Variants in TTC27 observed in about 807,000 individuals in gnomAD.
The protein encoded by TTC27 is tetratricopeptide repeat protein 27.
TTC27 carries 79 observed loss-of-function variants against 115.9 expected under a neutral mutation model. The ratio of observed to expected loss-of-function variants is 0.68; its 90% CI spans 0.57 to 0.82. The LOEUF is 0.82. Ranked by LOEUF, TTC27 falls within the 40% of genes least tolerant of loss-of-function variation. The pLI, the probability that TTC27 is intolerant of heterozygous loss-of-function variation, is 0.00. For synonymous variants in TTC27, 401 were observed against 356.0 expected (o/e 1.13, Z -1.42); for missense variants, 1,054 against 993.1 (o/e 1.06, Z -0.82).
intron 8 of TTC27, among the ~76,000 whole-genome samples, chr2:32,676,736 G>C (rs1314101815): frequency 6.6e-5 from 10 of 151,876 alleles, no homozygotes; most frequent in Admixed American, 6.6e-4. Context: ...TGATCCACCT[G>C]CCTTGGCCTC....
intron 12 of TTC27, among the ~76,000 whole-genome samples, chr2:32,747,050 A>G (rs1224109951): frequency 6.6e-6 from 1 of 152,174 alleles, no homozygotes; most frequent in African/African-American, 2.4e-5. Flanking sequence ...CCTTCTCTGG[A>G]AAGTTACACA....
At chr2:32,754,560 A>G (rs1181808643) in intron 12 of TTC27, among the ~76,000 whole-genome samples, 25 of 149,358 alleles carry the variant, frequency 1.7e-4, no homozygotes, top group Admixed American at 8.0e-4. Flanking sequence ...ACACAGACAC[A>G]GCAACCATCC....
intron 10 of TTC27, among the ~76,000 whole-genome samples, chr2:32,703,583 A>G (rs186590848): frequency 3.3e-5 from 5 of 152,336 alleles, no homozygotes; most frequent in Non-Finnish European, 5.9e-5. Context: ...ATAAAGAAGT[A>G]AAATTCATCC....
intron 10 of TTC27, among the ~76,000 whole-genome samples, chr2:32,726,936 G>C (rs1487160978): frequency 6.6e-6 from 1 of 152,150 alleles, no homozygotes. Context: ...AGCTTTTGCA[G>C]GGGAACTCCA....
chr2:32,814,397 G>A (rs989516875), intron 18 of TTC27, among the ~76,000 whole-genome samples: 6 of 152,186 alleles, frequency 3.9e-5, no homozygotes, highest in South Asian at 2.1e-4. Flanking sequence ...CATTTTAAGC[G>A]TATTTGAGTG....
At chr2:32,676,818 A>G (rs1666226610) in intron 8 of TTC27, among the ~76,000 whole-genome samples, 1 of 151,800 alleles carries the variant, frequency 6.6e-6, no homozygotes, top group South Asian at 2.1e-4. Flanking sequence ...TGAAATATTT[A>G]TATACATTTA....
At chr2:32,747,581 A>T (rs1668873470) in intron 12 of TTC27, among the ~76,000 whole-genome samples, 1 of 152,196 alleles carries the variant, frequency 6.6e-6, no homozygotes, top group Admixed American at 6.5e-5. Context: ...AATTTAAAAA[A>T]TTGTATGTCA....
chr2:32,651,504 G>A (rs1334097897), intron 5 of TTC27, among the ~76,000 whole-genome samples: 2 of 152,104 alleles, frequency 1.3e-5, no homozygotes, highest in African/African-American at 4.8e-5. Context: ...GTGCCACCAC[G>A]CCTGGCTAAT....
At chr2:32,726,293 G>A (rs180716158) in intron 10 of TTC27, among the ~76,000 whole-genome samples, 17 of 152,258 alleles carry the variant, frequency 1.1e-4, no homozygotes, top group East Asian at 7.7e-4. Context: ...CAAATTTTCC[G>A]AACTTTTATG....
rs1572451792 is a variant in TTC27, at chr2:32,628,282, T to A, written c.-11T>A. The A allele has an allele frequency of 2.5e-6, 4 of 1,599,974 alleles. No homozygotes were observed. The highest frequency in any genetic ancestry group is 3.4e-6 in the Non-Finnish European group (4 of 1,175,046). ...TGGGAGCCTGTTTTGGCTGCAGCGG[T>A]GTCTGGGGTGATGTGGACCCCGGAG... On this transcript the variant is annotated 5_prime_UTR_variant, in exon 1 of 20. Coordinates refer to ENST00000317907, the MANE Select transcript of TTC27 (RefSeq NM_017735.5).
At position 32,733,859 on chromosome 2, in the gene TTC27, C is replaced by T. The variant is rs1668371413; in HGVS notation, c.1265C>T (p.Thr422Ile). ...GCAGACCAATTTGAAGATAAAACTA[C>T]ATCTGTATTGGAACGCCTGAAGATT... ...ALADQFEDKT[T>I]SVLERLKIFY... The change falls in exon 11 of 20, where the codon ACA becomes ATA. Residue 422 changes from threonine to isoleucine, a missense_variant. Physicochemically the swap from Thr to Ile is moderately conservative, Grantham distance 89 (BLOSUM62 -1). Coordinates refer to ENST00000317907, the MANE Select transcript of TTC27 (RefSeq NM_017735.5). The T allele has an allele frequency of 1.2e-6, 2 of 1,611,408 alleles. No homozygotes were observed. Among genetic ancestry groups the T allele is most frequent in the African/African-American group, 1.3e-5 (1 of 74,960 alleles).
chr2:32,631,864 G>A (rs1396017335), intron 2 of TTC27, among the ~76,000 whole-genome samples: 1 of 150,408 alleles, frequency 6.6e-6, no homozygotes, highest in Admixed American at 6.6e-5. Flanking sequence ...AGGCTGGAGT[G>A]CAGAGGCGTG....
At chr2:32,724,285 G>T (rs1021516975) in intron 10 of TTC27, among the ~76,000 whole-genome samples, 2 of 152,100 alleles carry the variant, frequency 1.3e-5, no homozygotes, top group African/African-American at 2.4e-5. Flanking sequence ...ATTTCAGAGT[G>T]TCCATAGGTC....
chr2:32,744,461 A>G (rs1668749441), intron 12 of TTC27, among the ~76,000 whole-genome samples: 1 of 152,162 alleles, frequency 6.6e-6, no homozygotes, highest in South Asian at 2.1e-4. Flanking sequence ...GTTTTTGGAG[A>G]AACTACACAG....
chr2:32,647,723 A>G (rs1210531812), intron 4 of TTC27, among the ~76,000 whole-genome samples: 2 of 152,156 alleles, frequency 1.3e-5, no homozygotes, highest in African/African-American at 4.8e-5. Flanking sequence ...CTGTCGTCCC[A>G]GGTACTTAGA....
At chr2:32,656,636 G>T (rs1042734226) in intron 5 of TTC27, among the ~76,000 whole-genome samples, 2 of 152,134 alleles carry the variant, frequency 1.3e-5, no homozygotes, top group Admixed American at 6.6e-5. Flanking sequence ...TCACTCCGAG[G>T]ATATTATTTG....
intron 7 of TTC27, among the ~76,000 whole-genome samples, chr2:32,667,319 T>G (rs1268612167): frequency 6.6e-6 from 1 of 152,080 alleles, no homozygotes; most frequent in African/African-American, 2.4e-5. Context: ...TTATGACTCT[T>G]GGTCAGTTTA....
At chr2:32,715,957 G>GTGTTTTGTTTTTTTAACTA (rs58988781) in intron 10 of TTC27, among the ~76,000 whole-genome samples, 2 of 151,526 alleles carry the variant, frequency 1.3e-5, no homozygotes, top group Non-Finnish European at 2.9e-5. Flanking sequence ...GTAGTGAAGT[G>GTGTTTTGTTTTTTTAACTA]TGTCACTGTT....
At chr2:32,674,852 T>G (rs114126890) in intron 8 of TTC27, among the ~76,000 whole-genome samples, 1 of 151,968 alleles carries the variant, frequency 6.6e-6, no homozygotes, top group African/African-American at 2.4e-5. Context: ...TTGGTAGATA[T>G]GGGGTTTCAC....
Sources: allele counts gnomAD v4.1 joint callset (sites outside exome capture counted in the v4.1 genomes callset), GRCh38; gene constraint gnomAD v4.1.1; transcripts MANE v1.5; gene names NCBI Gene and HGNC (gene_info 2026-07-23, HGNC 2026-07-21).